Variants in CACFD1 observed in about 807,000 individuals in gnomAD.
CACFD1 encodes the protein calcium channel flower homolog.
A neutral mutation model predicts 21.3 loss-of-function variants in CACFD1; 26 were observed. That is an observed-to-expected ratio of 1.22 (90% confidence interval 0.89 to 1.69). CACFD1 has a LOEUF of 1.69. Ranked by LOEUF, CACFD1 falls within the 40% of genes most tolerant of loss-of-function variation. The probability of loss-of-function intolerance (pLI) is 0.00; values close to 1 mark genes in which losing one functional copy is unlikely to be tolerated. For synonymous variants in CACFD1, 121 were observed against 106.6 expected, an observed-to-expected ratio of 1.13 and a Z score of -0.83; for missense variants, 265 against 236.2, an observed-to-expected ratio of 1.12 and a Z score of -0.80.
rs944356359 is a variant in CACFD1 at position 133,465,527 on chromosome 9, G to A, written c.320+80G>A. ...AAAATAGGACCCAAAAGTCAGGTGAGGGTGGGCAGTGTATTCAGTTCCTCT... is the reference window on the plus strand; with the variant it reads ...AAAATAGGACCCAAAAGTCAGGTGAAGGTGGGCAGTGTATTCAGTTCCTCT... On this transcript the variant is annotated intron_variant, in intron 3 of 4. Coordinates refer to ENST00000316948, the MANE Select transcript of CACFD1 (RefSeq NM_017586.5). This position sits in a 1 kb window ranked among gnomAD's most constrained non-coding sequence, Gnocchi z 5.0. 249 of 1,403,526 alleles carry A rather than the reference G, an allele frequency of 1.8e-4. 2 individuals carry two copies. In the Middle Eastern group the frequency reaches 2.2e-3, roughly 12 times the overall value. The allele number at this position is 1,403,526 out of a possible 1,614,324, so 86.9% of individuals were successfully genotyped here.
chr9:133,465,441 A>G lies in CACFD1; in HGVS notation c.314A>G (p.Tyr105Cys), dbSNP rs782462111. 1 of 1,610,050 alleles carries G rather than the reference A, an allele frequency of 6.2e-7. No individual in the cohort carries two copies. The highest frequency in any genetic ancestry group is 8.5e-7 in the Non-Finnish European group (1 of 1,177,594). ...RLRSWQKAVF[Y>C]CGMAVVPIVI... ...CGCTCCTGGCAGAAGGCTGTCTTCT[A>G]CTGCGGGTGAGGGGTTGCTGGGCAG... Residue 105 changes from tyrosine (Y) to cysteine (C), a missense_variant, in exon 3 of 5, where the codon TAC becomes TGC. Transcript: ENST00000316948. The surrounding 1 kb of genome is among the most constrained non-coding windows in gnomAD (Gnocchi z 5.0).
rs1843382061 is a variant in CACFD1 at position 133,465,151 on chromosome 9, T to C, written c.195-171T>C. On this transcript the variant is annotated intron_variant, in intron 2 of 4. Transcript: ENST00000316948. The surrounding 1 kb of genome is among the most constrained non-coding windows in gnomAD (Gnocchi z 5.0). ...GTGCTGGAGTCTTCAGCAGAGGCTC[T>C]CCGAGGGGTACGAGCAGGTGCCCTG... The C allele has an allele frequency of 8.8e-6, 6 of 681,674 alleles. 1 individual carries two copies. In the Admixed American group the frequency reaches 1.4e-4, roughly 16 times the overall value. 42.2% of individuals were successfully genotyped at this position (681,674 alleles called of 1,614,324 possible).
intron 1 of CACFD1, among the ~76,000 whole-genome samples, chr9:133,462,406 A>G (rs1295490474): frequency 1.3e-5 from 2 of 152,366 alleles, no homozygotes; most frequent in East Asian, 3.9e-4. Flanking sequence ...CTGGGGGCCC[A>G]TGAAGCAGTC....
Position 133,465,628 on chromosome 9 carries a change from C to T in CACFD1, c.320+181C>T, listed in dbSNP as rs587725895. 2.2e-4 allele frequency: 140 copies of T among 636,520 alleles called. 1 individual carries two copies. The African/African-American group carries it at 2.2e-3, about 10-fold the overall frequency. The allele number at this position is 636,520 out of a possible 1,614,324, so 39.4% of individuals were successfully genotyped here. A position where few individuals can be genotyped will look rare whatever the true frequency, so the allele number is the denominator to read the frequency against. Reference sequence around the variant, plus strand: ...GCTGCCAAAACGTGCCCCAGTGGTTCTGCGCCCAGGAACTCAGCTGTCGCT... The same window carrying T: ...GCTGCCAAAACGTGCCCCAGTGGTTTTGCGCCCAGGAACTCAGCTGTCGCT... On this transcript the variant is annotated intron_variant, in intron 3 of 4. Coordinates refer to ENST00000316948, the MANE Select transcript of CACFD1 (RefSeq NM_017586.5). This position sits in a 1 kb window ranked among gnomAD's most constrained non-coding sequence, Gnocchi z 5.0.
At chr9:133,460,280 A>C in intron 1 of CACFD1, 93 bp downstream of exon 1, 1 of 1,204,212 alleles carries the variant, frequency 8.3e-7, no homozygotes, top group Non-Finnish European at 1.1e-6. Context: ...CCCAGGGGAA[A>C]GGACCCGCTG....
intron 1 of CACFD1, 62 bp from the exon 2 acceptor site, chr9:133,463,421 C>A: frequency 1.2e-6 from 2 of 1,611,538 alleles, no homozygotes; most frequent in Non-Finnish European, 1.7e-6. Flanking sequence ...CTCCCAAGGC[C>A]GCCTTCCCAG....
At chr9:133,460,382 G>T (rs1358116148) in intron 1 of CACFD1, among the ~76,000 whole-genome samples, 195 bp downstream of exon 1, 1 of 138,724 alleles carries the variant, frequency 7.2e-6, no homozygotes, top group South Asian at 2.4e-4. Flanking sequence ...TTACCCGCTC[G>T]GGCCTGGGCG....
intron 1 of CACFD1, among the ~76,000 whole-genome samples, chr9:133,463,002 C>T (rs906023526): frequency 2.0e-5 from 3 of 152,318 alleles, no homozygotes; most frequent in South Asian, 2.1e-4. Context: ...CACCCCTTGT[C>T]CCAACCAAAA....
intron 1 of CACFD1, among the ~76,000 whole-genome samples, chr9:133,462,390 G>A (rs1481768534): frequency 2.0e-5 from 3 of 152,226 alleles, no homozygotes; most frequent in Non-Finnish European, 4.4e-5. Context: ...GTTTTAGAAG[G>A]AGACCCTGGG....
At chr9:133,463,767 CTAA>C (rs1843318417) in intron 2 of CACFD1, among the ~76,000 whole-genome samples, 1 of 152,218 alleles carries the variant, frequency 6.6e-6, no homozygotes, top group Non-Finnish European at 1.5e-5. Context: ...GTTTAGTTTC[CTAA>C]TGAGAGGTCA....
rs1554799343 is a variant in CACFD1, at chr9:133,465,409, C to T, written c.282C>T (p.Asp94=). 6.2e-7 allele frequency: 1 copy of T among 1,613,828 alleles called. No individual in the cohort carries two copies. The highest frequency in any genetic ancestry group is 1.7e-5 in the Admixed American group (1 of 59,980). ...CAAACACAGTGGCGGAGAAGGTGGA[C>T]CGGCTGCGCTCCTGGCAGAAGGCTG... ...EFANTVAEKV[D]RLRSWQKAVF... is the part of the protein sequence containing the mutation. Residue 94 remains aspartate, a synonymous_variant, in exon 3 of 5, where the codon GAC becomes GAT. Coordinates refer to ENST00000316948, the MANE Select transcript of CACFD1 (RefSeq NM_017586.5). The surrounding 1 kb of genome is among the most constrained non-coding windows in gnomAD (Gnocchi z 5.0).
chr9:133,459,992 G>C lies in CACFD1; in HGVS notation c.-75G>C. ...GCTAATATGCTCCCTCTCCCACAAG[G>C]CAGCGCGCCGGCTCGGACGCGGCCG... On this transcript the variant is annotated 5_prime_UTR_variant, in exon 1 of 5. Coordinates refer to ENST00000316948, the MANE Select transcript of CACFD1 (RefSeq NM_017586.5). 6.9e-7 allele frequency: 1 copy of C among 1,449,478 alleles called. No homozygotes were observed. The highest frequency in any genetic ancestry group is 9.1e-7 in the Non-Finnish European group (1 of 1,102,708). The allele number at this position is 1,449,478 out of a possible 1,614,324, so 89.8% of individuals were successfully genotyped here.
Position 133,470,702 on chromosome 9 carries a change from C to G in CACFD1, c.*2049C>G, listed in dbSNP as rs1054379. The G allele has an allele frequency of 6.6e-6, 1 of 152,572 alleles. No homozygotes were observed. Among genetic ancestry groups the G allele is most frequent in the Non-Finnish European group, 1.5e-5 (1 of 68,308 alleles). 9.5% of individuals were successfully genotyped at this position (152,572 alleles called of 1,614,324 possible). On this transcript the variant is annotated 3_prime_UTR_variant, in exon 5 of 5. Coordinates refer to ENST00000316948, the MANE Select transcript of CACFD1 (RefSeq NM_017586.5). ...TGGGCTGTGTGTGGCGCCCTTTCCT[C>G]CTTGTTTGTTCCTCTGTGTTCTGTG...
intron 1 of CACFD1, chr9:133,461,984 T>G: frequency 1.0e-6 from 1 of 985,362 alleles, no homozygotes; most frequent in Non-Finnish European, 1.2e-6. Context: ...AGGTGATACC[T>G]TGGGAGGGGA....
At chr9:133,466,589 TA>T (rs1843446489) in intron 3 of CACFD1, among the ~76,000 whole-genome samples, 1 of 149,524 alleles carries the variant, frequency 6.7e-6, no homozygotes, top group South Asian at 2.1e-4. Flanking sequence ...ATGTGTCTGC[TA>T]AAACTTTTTC....
At chr9:133,467,073 A>G (rs1554799700) in intron 3 of CACFD1, among the ~76,000 whole-genome samples, 1 of 152,108 alleles carries the variant, frequency 6.6e-6, no homozygotes, top group Admixed American at 6.5e-5. Flanking sequence ...TTAACGACAG[A>G]AAAATCTCAC....
At chr9:133,464,866 G>C (rs1554799214) in intron 2 of CACFD1, among the ~76,000 whole-genome samples, 2 of 152,328 alleles carry the variant, frequency 1.3e-5, no homozygotes, top group Admixed American at 6.5e-5. Flanking sequence ...TGCCTCCCTG[G>C]TGGGGCAGCC....
chr9:133,460,491 C>CGGGGGGGGGGCGGGGGGGCGGCGGGG (rs1554798216), intron 1 of CACFD1, among the ~76,000 whole-genome samples: 1 of 103,712 alleles, frequency 9.6e-6, no homozygotes, highest in Admixed American at 9.1e-5. Context: ...GGGGGTGGGG[C>CGGGGGGGGGGCGGGGGGGCGGCGGGG]ACCGGCCTGG....
At chr9:133,466,621 T>C (rs1286436271) in intron 3 of CACFD1, among the ~76,000 whole-genome samples, 3 of 152,178 alleles carry the variant, frequency 2.0e-5, no homozygotes, top group Admixed American at 1.3e-4. Context: ...ATGATTTCCT[T>C]AATATCTATT....
Sources: gnomAD v4.1 joint callset for allele counts (sites outside exome capture counted in the v4.1 genomes callset) on GRCh38, gnomAD v4.1.1 for gene constraint, Gnocchi (gnomAD v3.1) non-coding constraint, MANE v1.5 for transcripts, NCBI Gene and HGNC (gene_info 2026-07-23, HGNC 2026-07-21) for gene names.